Variants in GAP43 observed in about 807,000 individuals in gnomAD.
The protein encoded by GAP43 is neuromodulin.
In GAP43, 6 loss-of-function variants were observed where a neutral mutation model predicts 18.6. The ratio of observed to expected loss-of-function variants is 0.32; its 90% CI spans 0.18 to 0.64. The LOEUF (loss-of-function observed/expected upper bound fraction) is 0.64, where lower values mean the gene tolerates loss of function less well. Ranked by LOEUF, GAP43 falls within the 30% of genes least tolerant of loss-of-function variation. The pLI is 0.78. For missense variants in GAP43, 292 were observed against 295.5 expected, an observed-to-expected ratio of 0.99 and a Z score of 0.09; for synonymous variants, 115 against 111.4, an observed-to-expected ratio of 1.03 and a Z score of -0.20.
chr3:115,720,947 C>A lies in GAP43; in HGVS notation c.*65C>A. The A allele has an allele frequency of 1.9e-6, 2 of 1,079,842 alleles. No homozygotes were observed. The highest frequency in any genetic ancestry group is 2.8e-6 in the Non-Finnish European group (2 of 715,396). The allele number at this position is 1,079,842 out of a possible 1,614,324, so 66.9% of individuals were successfully genotyped here. ...TCCTGAGCCTGTCTCTCCCTACCCT[C>A]TTCTCAGCTCCACTCTGAAGTCCCT... On this transcript the variant is annotated 3_prime_UTR_variant, in exon 3 of 3. Coordinates refer to ENST00000305124, the MANE Select transcript of GAP43 (RefSeq NM_002045.4).
At chr3:115,706,899 G>A (rs1709371488) in intron 2 of GAP43, among the ~76,000 whole-genome samples, 1 of 152,198 alleles carries the variant, frequency 6.6e-6, no homozygotes, top group Non-Finnish European at 1.5e-5. Flanking sequence ...AGGCATTCAT[G>A]TGAGCAAAGA....
At chr3:115,630,132 C>G (rs1708243840) in intron 1 of GAP43, among the ~76,000 whole-genome samples, 2 of 152,206 alleles carry the variant, frequency 1.3e-5, no homozygotes, top group South Asian at 4.1e-4. Flanking sequence ...AGTACTTGCA[C>G]TCACTGCTTT....
At chr3:115,669,720 T>C (rs556478727) in intron 1 of GAP43, among the ~76,000 whole-genome samples, 152 of 152,316 alleles carry the variant, frequency 1.0e-3, no homozygotes, top group African/African-American at 3.5e-3. Flanking sequence ...AGGTGGGCTG[T>C]ACATGTTGAA....
intron 1 of GAP43, among the ~76,000 whole-genome samples, chr3:115,670,807 A>G (rs1708807680): frequency 6.6e-6 from 1 of 152,174 alleles, no homozygotes; most frequent in Non-Finnish European, 1.5e-5. Context: ...TGAAAACTAC[A>G]ACATATTTAA....
chr3:115,656,874 A>C (rs1311087296), intron 1 of GAP43, among the ~76,000 whole-genome samples: 1 of 152,244 alleles, frequency 6.6e-6, no homozygotes, highest in Non-Finnish European at 1.5e-5. Flanking sequence ...AACATAGAAG[A>C]AAATAATGTT....
At chr3:115,697,634 G>A (rs1217253470) in intron 2 of GAP43, among the ~76,000 whole-genome samples, 1 of 152,140 alleles carries the variant, frequency 6.6e-6, no homozygotes, top group East Asian at 1.9e-4. Context: ...AAAGGATATA[G>A]CTCTAAAAGC....
chr3:115,713,462 A>G (rs1439115454), intron 2 of GAP43, among the ~76,000 whole-genome samples: 2 of 152,246 alleles, frequency 1.3e-5, no homozygotes, highest in Non-Finnish European at 2.9e-5. Flanking sequence ...AAACAGGGCC[A>G]TTAGAGCTCA....
At chr3:115,634,162 G>A (rs1465640176) in intron 1 of GAP43, among the ~76,000 whole-genome samples, 1 of 151,942 alleles carries the variant, frequency 6.6e-6, no homozygotes, top group Non-Finnish European at 1.5e-5. Flanking sequence ...GCTAGATGAG[G>A]CAAAGAAAAA....
intron 1 of GAP43, among the ~76,000 whole-genome samples, chr3:115,674,521 G>C (rs1708856120): frequency 6.6e-6 from 1 of 152,174 alleles, no homozygotes; most frequent in African/African-American, 2.4e-5. Flanking sequence ...CTATATGCTA[G>C]TCTCTTGTCT....
At chr3:115,651,868 G>A (rs570059892) in intron 1 of GAP43, among the ~76,000 whole-genome samples, 1 of 151,788 alleles carries the variant, frequency 6.6e-6, no homozygotes, top group Non-Finnish European at 1.5e-5. Flanking sequence ...CTCTATTCTT[G>A]GCCCCTGTTC....
At chr3:115,637,509 G>A (rs1170082181) in intron 1 of GAP43, among the ~76,000 whole-genome samples, 1 of 151,876 alleles carries the variant, frequency 6.6e-6, no homozygotes, top group Non-Finnish European at 1.5e-5. Context: ...CTACACCTTT[G>A]GTTGCACTTT....
chr3:115,659,135 G>C (rs972566266), intron 1 of GAP43, among the ~76,000 whole-genome samples: 6 of 152,164 alleles, frequency 3.9e-5, no homozygotes, highest in African/African-American at 1.4e-4. Context: ...AGAGCGGCCG[G>C]CAGGAAGGTT....
chr3:115,678,203 G>C (rs1708918408), intron 2 of GAP43, among the ~76,000 whole-genome samples: 1 of 152,176 alleles, frequency 6.6e-6, no homozygotes, highest in South Asian at 2.1e-4. Context: ...CCTCAGGTAT[G>C]ATGTCTGGAA....
At chr3:115,684,012 T>C (rs1709000371) in intron 2 of GAP43, among the ~76,000 whole-genome samples, 1 of 152,136 alleles carries the variant, frequency 6.6e-6, no homozygotes, top group Non-Finnish European at 1.5e-5. Context: ...AAATCACAAA[T>C]TAGAGGATTA....
At chr3:115,683,149 A>T (rs6804591) in intron 2 of GAP43, among the ~76,000 whole-genome samples, 1 of 68,802 alleles carries the variant, frequency 1.5e-5, no homozygotes, top group Non-Finnish European at 3.8e-5. Context: ...GCGCGCGCGC[A>T]CACACACACA....
chr3:115,678,640 G>T (rs1164927777), intron 2 of GAP43, among the ~76,000 whole-genome samples: 1 of 151,894 alleles, frequency 6.6e-6, no homozygotes, highest in Non-Finnish European at 1.5e-5. Flanking sequence ...TCATTTATTT[G>T]ATTAAAAATG....
intron 2 of GAP43, among the ~76,000 whole-genome samples, chr3:115,678,193 C>A (rs1378134355): frequency 1.3e-5 from 2 of 152,078 alleles, no homozygotes; most frequent in African/African-American, 2.4e-5. Flanking sequence ...AAGGTTTGAG[C>A]CTCAGGTATG....
intron 1 of GAP43, among the ~76,000 whole-genome samples, chr3:115,654,387 A>G (rs1227545518): frequency 6.6e-6 from 1 of 152,248 alleles, no homozygotes; most frequent in Non-Finnish European, 1.5e-5. Context: ...AATGGTCCTT[A>G]CTAAAGACCC....
At chr3:115,717,146 A>AAAT (rs1709519299) in intron 2 of GAP43, among the ~76,000 whole-genome samples, 1 of 152,152 alleles carries the variant, frequency 6.6e-6, no homozygotes, top group African/African-American at 2.4e-5. Context: ...TTCACTCAAG[A>AAAT]AATATTTACT....
Sources: gnomAD v4.1 joint callset for allele counts (sites outside exome capture counted in the v4.1 genomes callset) on GRCh38, gnomAD v4.1.1 for gene constraint, MANE v1.5 for transcripts, NCBI Gene and HGNC (gene_info 2026-07-23, HGNC 2026-07-21) for gene names.